Variants in CPA6 observed in about 807,000 individuals in gnomAD.
CPA6 encodes the protein carboxypeptidase B.
CPA6 carries 58 observed loss-of-function variants against 63.3 expected under a neutral mutation model. That is an observed-to-expected ratio of 0.92 (90% CI 0.74 to 1.14). The LOEUF is 1.14. Among genes scored for constraint, CPA6 ranks in the 50% most tolerant of loss-of-function variants. The probability of loss-of-function intolerance (pLI) is 0.00; values close to 1 mark genes in which losing one functional copy is unlikely to be tolerated. For missense variants in CPA6, 565 were observed against 526.6 expected, an observed-to-expected ratio of 1.07 and a Z score of -0.71; for synonymous variants, 185 against 179.0, an observed-to-expected ratio of 1.03 and a Z score of -0.27.
At chr8:67,721,159 A>T (rs1587727908) in intron 1 of CPA6, among the ~76,000 whole-genome samples, 1 of 152,358 alleles carries the variant, frequency 6.6e-6, no homozygotes, top group East Asian at 1.9e-4. Flanking sequence ...TTATAAGCCC[A>T]AGAGCTTTTT....
chr8:67,730,502 G>C (rs1160292530), intron 1 of CPA6, among the ~76,000 whole-genome samples: 1 of 152,120 alleles, frequency 6.6e-6, no homozygotes, highest in African/African-American at 2.4e-5. Flanking sequence ...TTAAATCATT[G>C]ACCACTGGTG....
At chr8:67,448,676 AAAAGAAAGAAAAAGAAAAAAAAG>A (rs1390237033) in intron 8 of CPA6, among the ~76,000 whole-genome samples, 2 of 149,272 alleles carry the variant, frequency 1.3e-5, no homozygotes, top group East Asian at 1.9e-4. Context: ...AAAAGAAAAA[AAAAGAAAGAAAAAGAAAAAAAAG>A]AAAGAAAGAA....
intron 2 of CPA6, among the ~76,000 whole-genome samples, chr8:67,611,909 G>A (rs1017232518): frequency 6.6e-6 from 1 of 152,208 alleles, no homozygotes; most frequent in African/African-American, 2.4e-5. Flanking sequence ...GCTCCATCAA[G>A]TTCTTATTCC....
rs192740101 is a variant in CPA6 at position 67,593,493 on chromosome 8, T to C, written c.192+30683A>G. On this transcript the variant is annotated intron_variant, in intron 2 of 10. Coordinates refer to ENST00000297770, the MANE Select transcript of CPA6 (RefSeq NM_020361.5). ...TAATGTTGACAGTGGGGTGTTAAAGTCTCCCATTATTATTGTGTGGGAGTC... is the reference window on the plus strand; with the variant it reads ...TAATGTTGACAGTGGGGTGTTAAAGCCTCCCATTATTATTGTGTGGGAGTC... 7.6e-3 allele frequency among the ~76,000 whole-genome samples: 1,151 copies of C among 152,308 alleles called. 11 individuals are homozygous for C. The highest frequency in any genetic ancestry group is 0.014 in the Admixed American group (207 of 15,298).
chr8:67,740,767 G>C (rs1252343206), intron 1 of CPA6, among the ~76,000 whole-genome samples: 1 of 151,980 alleles, frequency 6.6e-6, no homozygotes, highest in Non-Finnish European at 1.5e-5. Context: ...ACAGGGTTTT[G>C]CCATGTTAGC....
chr8:67,653,606 T>A (rs1011935117), intron 1 of CPA6, among the ~76,000 whole-genome samples: 1 of 152,156 alleles, frequency 6.6e-6, no homozygotes, highest in Non-Finnish European at 1.5e-5. Context: ...TCCTGAGACT[T>A]TGCTGAAGTT....
chr8:67,584,288 G>A (rs971249567), intron 2 of CPA6, among the ~76,000 whole-genome samples: 4 of 152,280 alleles, frequency 2.6e-5, no homozygotes, highest in Admixed American at 6.5e-5. Flanking sequence ...CAAGTGTGCC[G>A]ATAATAAGGG....
chr8:67,434,789 C>T (rs968947516), intron 8 of CPA6, among the ~76,000 whole-genome samples: 6 of 152,186 alleles, frequency 3.9e-5, no homozygotes, highest in Non-Finnish European at 7.4e-5. Context: ...CGGGAGCAGA[C>T]GGCAGTGGCG....
intron 2 of CPA6, among the ~76,000 whole-genome samples, chr8:67,559,754 G>A (rs192820735): frequency 6.9e-4 from 105 of 151,914 alleles, no homozygotes; most frequent in African/African-American, 2.4e-3. Context: ...ATCATTCTCT[G>A]AGCCATTCAG....
chr8:67,564,161 A>G (rs947918647), intron 2 of CPA6, among the ~76,000 whole-genome samples: 2 of 152,176 alleles, frequency 1.3e-5, no homozygotes, highest in Admixed American at 6.5e-5. Context: ...AGAAGAGTTT[A>G]TCATCTTGTT....
At chr8:67,712,086 G>A (rs1312025056) in intron 1 of CPA6, among the ~76,000 whole-genome samples, 1 of 152,150 alleles carries the variant, frequency 6.6e-6, no homozygotes, top group Non-Finnish European at 1.5e-5. Flanking sequence ...GTGCGCTTGT[G>A]CCACCGAGCT....
intron 8 of CPA6, among the ~76,000 whole-genome samples, chr8:67,437,409 T>G (rs929164498): frequency 4.0e-5 from 6 of 149,518 alleles, no homozygotes; most frequent in African/African-American, 1.5e-4. Context: ...CAAAACAAAA[T>G]AAAACAAAAC....
intron 8 of CPA6, among the ~76,000 whole-genome samples, chr8:67,469,145 A>G (rs1395375901): frequency 6.6e-6 from 1 of 152,158 alleles, no homozygotes; most frequent in Admixed American, 6.5e-5. Flanking sequence ...TTATGTGTCA[A>G]TTTGGCTAGG....
intron 1 of CPA6, among the ~76,000 whole-genome samples, chr8:67,731,856 A>G (rs1817711575): frequency 6.6e-6 from 1 of 152,202 alleles, no homozygotes; most frequent in African/African-American, 2.4e-5. Context: ...TTAGTCAAAA[A>G]CTAGAGAGGA....
intron 1 of CPA6, among the ~76,000 whole-genome samples, chr8:67,701,875 A>C (rs1817031598): frequency 6.6e-6 from 1 of 151,830 alleles, no homozygotes; most frequent in Non-Finnish European, 1.5e-5. Context: ...CAGAGGCTGA[A>C]CTCTAACTGC....
At chr8:67,466,909 A>G (rs1296986489) in intron 8 of CPA6, among the ~76,000 whole-genome samples, 1 of 152,224 alleles carries the variant, frequency 6.6e-6, no homozygotes, top group African/African-American at 2.4e-5. Flanking sequence ...ATAAATATAG[A>G]TTCATCATTA....
At chr8:67,715,922 G>A (rs1019793924) in intron 1 of CPA6, among the ~76,000 whole-genome samples, 5 of 152,168 alleles carry the variant, frequency 3.3e-5, no homozygotes, top group African/African-American at 9.7e-5. Context: ...GGGAGGCCGA[G>A]ACGGGTGGAT....
intron 1 of CPA6, among the ~76,000 whole-genome samples, chr8:67,693,209 T>C (rs1816848321): frequency 6.6e-6 from 1 of 152,230 alleles, no homozygotes; most frequent in Admixed American, 6.5e-5. Context: ...CTTTATTCTA[T>C]AGCACTATCT....
intron 6 of CPA6, among the ~76,000 whole-genome samples, 178 bp from the exon 7 acceptor site, chr8:67,484,967 A>G (rs552966755): frequency 1.3e-5 from 2 of 152,280 alleles, no homozygotes; most frequent in South Asian, 2.1e-4. Context: ...TCTGAATTAA[A>G]CTCTTTATTA....
Sources: gnomAD v4.1 joint callset for allele counts (sites outside exome capture counted in the v4.1 genomes callset) on GRCh38, gnomAD v4.1.1 for gene constraint, MANE v1.5 for transcripts, NCBI Gene and HGNC (gene_info 2026-07-23, HGNC 2026-07-21) for gene names.